Variants in CDC14A observed in about 807,000 individuals in gnomAD.
CDC14A encodes the protein dual specificity protein phosphatase CDC14A.
In CDC14A, 53 loss-of-function variants were observed where a neutral mutation model predicts 74.4. That is an observed-to-expected ratio of 0.71 (90% CI 0.57 to 0.89). The LOEUF (loss-of-function observed/expected upper bound fraction) is 0.89. Ranked by LOEUF, CDC14A falls within the 40% of genes least tolerant of loss-of-function variation. The pLI, the probability that CDC14A is intolerant of heterozygous loss-of-function variation, is 0.00. For synonymous variants in CDC14A, 247 were observed against 258.4 expected, an observed-to-expected ratio of 0.96 and a Z score of 0.43; for missense variants, 646 against 713.7, an observed-to-expected ratio of 0.91 and a Z score of 1.08.
intron 11 of CDC14A, among the ~76,000 whole-genome samples, chr1:100,491,554 A>G (rs373443875): frequency 2.5e-5 from 1 of 40,060 alleles, no homozygotes; most frequent in African/African-American, 7.5e-5. Flanking sequence ...CTCTCTATAT[A>G]TATATATATA....
At chr1:100,414,611 A>C (rs1216146832) in intron 4 of CDC14A, among the ~76,000 whole-genome samples, 1 of 152,156 alleles carries the variant, frequency 6.6e-6, no homozygotes, top group African/African-American at 2.4e-5. Flanking sequence ...ATATACCCAG[A>C]AGTAAGCAGT....
Position 100,480,942 on chromosome 1 carries a change from G to A in CDC14A, c.978-3350G>A, listed in dbSNP as rs1349843604. The A allele has an allele frequency of 2.0e-5, 3 of 152,078 alleles. No homozygotes were observed. In the East Asian group the frequency reaches 5.8e-4, roughly 29 times the overall value. The allele number at this position is 152,078 out of a possible 1,614,324, so 9.4% of individuals were successfully genotyped here. ...TTCACAATTAACTGCCTTCCCTTAT[G>A]CTTTCAGAAATTCTCTAAACATCTT... On this transcript the variant is annotated intron_variant, in intron 10 of 15. Transcript: ENST00000336454.
At position 100,353,184 on chromosome 1, in the gene CDC14A, T is replaced by G. The variant is rs181812179; in HGVS notation, c.49+181T>G. ...CCCTGCTTCCGGCTTCTCTTTCTTG[T>G]GTCCCTTGCTCCCTCTGCAGCTCCC... is the stretch of plus-strand genomic sequence containing the variant. On this transcript the variant is annotated intron_variant, in intron 1 of 15. Transcript: ENST00000336454. 2.0e-4 allele frequency among the ~76,000 whole-genome samples: 30 copies of G among 152,338 alleles called. No individual in the cohort carries two copies. The East Asian group carries it at 5.6e-3, about 28-fold the overall frequency.
intron 4 of CDC14A, among the ~76,000 whole-genome samples, chr1:100,411,418 GT>G (rs1320905311): frequency 2.0e-5 from 3 of 151,778 alleles, no homozygotes; most frequent in East Asian, 3.9e-4. Flanking sequence ...GCTTTAAAAA[GT>G]TTTTTTTCTT....
intron 2 of CDC14A, among the ~76,000 whole-genome samples, chr1:100,359,204 G>A (rs910664575): frequency 3.9e-5 from 6 of 152,228 alleles, no homozygotes; most frequent in Non-Finnish European, 8.8e-5. Context: ...GCCAGGCAGT[G>A]TTCTAAGTGG....
intron 4 of CDC14A, among the ~76,000 whole-genome samples, chr1:100,413,175 CT>C (rs1469922462): frequency 6.6e-6 from 1 of 152,178 alleles, no homozygotes; most frequent in African/African-American, 2.4e-5. Flanking sequence ...GCCACAGAAT[CT>C]TTTCTGCAAA....
At chr1:100,412,737 ATTT>A (rs1304388433) in intron 4 of CDC14A, among the ~76,000 whole-genome samples, 7 of 100,670 alleles carry the variant, frequency 7.0e-5, no homozygotes, top group African/African-American at 3.5e-4. Flanking sequence ...ATATATATAT[ATTT>A]TATATATATA....
At chr1:100,348,871 AAG>A (rs1650665145), upstream of CDC14A, among the ~76,000 whole-genome samples, 1 of 152,210 alleles carries the variant, frequency 6.6e-6, no homozygotes, top group South Asian at 2.1e-4. Context: ...AGCAGTTTTC[AAG>A]CAATGGTTGA....
At chr1:100,492,850 G>A (rs935077246) in intron 11 of CDC14A, among the ~76,000 whole-genome samples, 5 of 151,488 alleles carry the variant, frequency 3.3e-5, no homozygotes, top group African/African-American at 1.2e-4. Flanking sequence ...CTGTGTGTGT[G>A]TGTGTGTGTG....
intron 4 of CDC14A, chr1:100,393,480 C>A (rs557962968): frequency 1.3e-6 from 1 of 770,716 alleles, no homozygotes; most frequent in Non-Finnish European, 2.4e-6. Flanking sequence ...AGTTGGTTGT[C>A]GAGCAGCCAG....
At chr1:100,401,267 T>G (rs975388987) in intron 4 of CDC14A, among the ~76,000 whole-genome samples, 1 of 152,202 alleles carries the variant, frequency 6.6e-6, no homozygotes, top group African/African-American at 2.4e-5. Flanking sequence ...TGTCTTATTT[T>G]CCACAATAGC....
intron 2 of CDC14A, among the ~76,000 whole-genome samples, chr1:100,356,471 C>T (rs59524624): frequency 6.7e-6 from 1 of 149,416 alleles, no homozygotes; most frequent in African/African-American, 2.6e-5. Flanking sequence ...ACCAAGTCAT[C>T]TAGTTGCAGA....
At chr1:100,379,266 G>A (rs1398963369) in intron 3 of CDC14A, among the ~76,000 whole-genome samples, 1 of 152,160 alleles carries the variant, frequency 6.6e-6, no homozygotes, top group Non-Finnish European at 1.5e-5. Flanking sequence ...GTAAGTATAT[G>A]TATGTAAACT....
At chr1:100,509,390 T>G (rs1432944567) in intron 15 of CDC14A, among the ~76,000 whole-genome samples, 1 of 152,216 alleles carries the variant, frequency 6.6e-6, no homozygotes, top group African/African-American at 2.4e-5. Flanking sequence ...ATTCCTTGAT[T>G]GAGGTTAGAA....
chr1:100,496,282 A>G (rs1197365912), intron 13 of CDC14A, among the ~76,000 whole-genome samples: 4 of 151,586 alleles, frequency 2.6e-5, no homozygotes, highest in African/African-American at 4.9e-5. Context: ...AGAGACATCA[A>G]TGTATTTTGT....
chr1:100,494,693 G>A, intron 11 of CDC14A, 125 bp from the exon 12 acceptor site: 1 of 553,194 alleles, frequency 1.8e-6, no homozygotes, highest in Non-Finnish European at 3.2e-6. Flanking sequence ...CTGATTCACA[G>A]TACCTTTAGT....
chr1:100,417,380 G>A (rs1188145637), intron 4 of CDC14A, among the ~76,000 whole-genome samples: 1 of 152,170 alleles, frequency 6.6e-6, no homozygotes, highest in Non-Finnish European at 1.5e-5. Flanking sequence ...GCAGGTTCCT[G>A]TGCAAATTGT....
chr1:100,468,935 T>TAAA (rs1668119242), intron 10 of CDC14A, among the ~76,000 whole-genome samples: 2 of 152,132 alleles, frequency 1.3e-5, no homozygotes, highest in Non-Finnish European at 2.9e-5. Flanking sequence ...AATTTTTTAT[T>TAAA]TTTTGTAGAG....
At chr1:100,486,064 A>T (rs1432843277) in intron 11 of CDC14A, 1 of 152,242 alleles carries the variant, frequency 6.6e-6, no homozygotes, top group Non-Finnish European at 1.5e-5. Context: ...AGATTTTAAC[A>T]TGATAATATA....
Sources: allele counts gnomAD v4.1 joint callset (sites outside exome capture counted in the v4.1 genomes callset), GRCh38; gene constraint gnomAD v4.1.1; transcripts MANE v1.5; gene names NCBI Gene and HGNC (gene_info 2026-07-23, HGNC 2026-07-21).